Variants in CSNK1G2 observed in about 807,000 individuals in gnomAD.
CSNK1G2 encodes the protein casein kinase 1 gamma 2, also known as casein kinase I isoform gamma-2.
In CSNK1G2, 11 loss-of-function variants were observed where a neutral mutation model predicts 48.0. The observed-to-expected ratio is 0.23, with a 90% confidence interval of 0.14 to 0.38. CSNK1G2 has a LOEUF of 0.38. Among genes scored for constraint, CSNK1G2 ranks in the 10% least tolerant of loss-of-function variants. CSNK1G2 has a pLI of 1.00. For missense variants in CSNK1G2, 446 were observed against 595.5 expected (o/e 0.75, Z 2.61); for synonymous variants, 337 against 254.1 (o/e 1.33, Z -3.10).
At position 1,978,577 on chromosome 19, in the gene CSNK1G2, C is replaced by G; in HGVS notation, c.299-25C>G. 1 of 1,577,714 alleles carries G rather than the reference C, an allele frequency of 6.3e-7. No homozygotes were observed. The highest frequency in any genetic ancestry group is 1.8e-5 in the Admixed American group (1 of 54,494). On this transcript the variant is annotated intron_variant, in intron 4 of 11. Transcript: ENST00000255641. This position sits in a 1 kb window ranked among gnomAD's most constrained non-coding sequence, Gnocchi z 7.3. Reference sequence around the variant, plus strand: ...GCAGGGAGGGGGCTGCCGCCGCACGCCCGTGCGTCTGTCCTCCGCCGCAGA... The same window carrying G: ...GCAGGGAGGGGGCTGCCGCCGCACGGCCGTGCGTCTGTCCTCCGCCGCAGA...
chr19:1,948,153 C>G (rs2014631941), intron 1 of CSNK1G2, among the ~76,000 whole-genome samples: 1 of 152,192 alleles, frequency 6.6e-6, no homozygotes, highest in African/African-American at 2.4e-5. Flanking sequence ...TTCTGGAAGG[C>G]CGCTGCCCCG....
intron 1 of CSNK1G2, among the ~76,000 whole-genome samples, chr19:1,945,240 G>A (rs2014512070): frequency 1.3e-5 from 2 of 152,214 alleles, no homozygotes; most frequent in South Asian, 4.1e-4. Flanking sequence ...TGGGCCCACA[G>A]GGGAGCCGCT....
chr19:1,946,335 A>G (rs1053029476), intron 1 of CSNK1G2, among the ~76,000 whole-genome samples: 4 of 150,048 alleles, frequency 2.7e-5, no homozygotes, highest in Non-Finnish European at 4.5e-5. Flanking sequence ...ACTGTTGCCC[A>G]GGCTGGAGTG....
chr19:1,955,644 G>A (rs117140323), intron 1 of CSNK1G2, among the ~76,000 whole-genome samples: 1 of 152,048 alleles, frequency 6.6e-6, no homozygotes, highest in South Asian at 2.1e-4. Context: ...TCTGCTGTCC[G>A]CCCACGACCC....
intron 1 of CSNK1G2, among the ~76,000 whole-genome samples, chr19:1,961,583 G>A (rs2015200554): frequency 1.3e-5 from 2 of 152,200 alleles, no homozygotes; most frequent in South Asian, 4.1e-4. Context: ...GAGGCGTGAG[G>A]TACTGTCTGG....
At position 1,961,698 on chromosome 19, in the gene CSNK1G2, A is replaced by G. The variant is rs567391364; in HGVS notation, c.-265-7810A>G. 8.5e-5 allele frequency among the ~76,000 whole-genome samples: 13 copies of G among 152,368 alleles called. No individual in the cohort carries two copies. The East Asian group carries it at 2.5e-3, about 29-fold the overall frequency. Reference sequence around the variant, plus strand: ...ACTACGTCTCACAGATCCCTCTCCCAGGGCACATGAGGAGATTCCTCCCCC... The same window carrying G: ...ACTACGTCTCACAGATCCCTCTCCCGGGGCACATGAGGAGATTCCTCCCCC... On this transcript the variant is annotated intron_variant, in intron 1 of 11. Coordinates refer to ENST00000255641, the MANE Select transcript of CSNK1G2 (RefSeq NM_001319.7).
At chr19:1,966,490 G>C (rs533836126) in intron 1 of CSNK1G2, among the ~76,000 whole-genome samples, 9 of 152,340 alleles carry the variant, frequency 5.9e-5, no homozygotes, top group African/African-American at 2.2e-4. Context: ...AGTTGCTTCA[G>C]TTGCGCTCTA....
chr19:1,948,365 G>T (rs1441486326), intron 1 of CSNK1G2, among the ~76,000 whole-genome samples: 1 of 151,898 alleles, frequency 6.6e-6, no homozygotes, highest in African/African-American at 2.4e-5. Flanking sequence ...CTACTAAAAA[G>T]ACAAAAAATT....
At chr19:1,953,079 A>G in intron 1 of CSNK1G2, 2 of 398,884 alleles carry the variant, frequency 5.0e-6, no homozygotes, top group South Asian at 1.8e-5. Context: ...GTTCATGGTT[A>G]CGCTTCTGGA....
At chr19:1,950,943 A>T (rs1371906610) in intron 1 of CSNK1G2, among the ~76,000 whole-genome samples, 1 of 145,724 alleles carries the variant, frequency 6.9e-6, no homozygotes, top group African/African-American at 2.6e-5. Context: ...GCCCCCCTAG[A>T]TCCCTGGGTG....
chr19:1,974,763 G>C (rs1361938779), intron 2 of CSNK1G2: 1 of 152,234 alleles, frequency 6.6e-6, no homozygotes, highest in African/African-American at 2.4e-5. Context: ...CTGTGCCAAG[G>C]TGTGGACCTT....
chr19:1,949,963 G>A (rs1199064868), intron 1 of CSNK1G2, among the ~76,000 whole-genome samples: 1 of 152,240 alleles, frequency 6.6e-6, no homozygotes, highest in Non-Finnish European at 1.5e-5. Flanking sequence ...CAGTGGGACA[G>A]ACAGATGGAT....
chr19:1,957,212 G>C lies in CSNK1G2; in HGVS notation c.-265-12296G>C, dbSNP rs1423811298. 1.3e-5 allele frequency among the ~76,000 whole-genome samples: 2 copies of C among 152,178 alleles called. No homozygotes were observed. The highest frequency in any genetic ancestry group is 2.9e-5 in the Non-Finnish European group (2 of 68,036). On this transcript the variant is annotated intron_variant, in intron 1 of 11. Coordinates refer to ENST00000255641, the MANE Select transcript of CSNK1G2 (RefSeq NM_001319.7). This position sits in a 1 kb window ranked among gnomAD's most constrained non-coding sequence, Gnocchi z 5.4. ...CCTCCAGGCAGCCCCACAGGCCCGA[G>C]GGCCACCGTGTCAGGAGGGATAGCC... is the stretch of plus-strand genomic sequence containing the variant.
rs533578954 is a variant in CSNK1G2 at position 1,965,512 on chromosome 19, T to C, written c.-265-3996T>C. The stretch of plus-strand genomic sequence containing the variant: ...CCTTGACATGTCATTCATTCATTTA[T>C]TTATGCATGACAAGGTGTCCCACTG... On this transcript the variant is annotated intron_variant, in intron 1 of 11. Transcript: ENST00000255641. 1.6e-3 allele frequency among the ~76,000 whole-genome samples: 243 copies of C among 152,272 alleles called. 1 individual carries two copies. Among genetic ancestry groups the C allele is most frequent in the Non-Finnish European group, 2.4e-3 (160 of 68,020 alleles).
At chr19:1,941,751 A>C (rs1364956863) in intron 1 of CSNK1G2, among the ~76,000 whole-genome samples, 9 of 137,652 alleles carry the variant, frequency 6.5e-5, no homozygotes, top group Non-Finnish European at 7.9e-5. Context: ...TGACCCTCAC[A>C]CTCCAGACCC....
Position 1,969,882 on chromosome 19 carries a change from C to T in CSNK1G2, c.110C>T (p.Ser37Leu), listed in dbSNP as rs2145573234. 2.3e-6 allele frequency: 3 copies of T among 1,312,644 alleles called. No homozygotes were observed. Among genetic ancestry groups the T allele is most frequent in the Non-Finnish European group, 2.0e-6 (2 of 1,022,066 alleles). 81.3% of individuals were successfully genotyped at this position (1,312,644 alleles called of 1,614,324 possible). The change falls in exon 2 of 12, where the codon TCG (serine) becomes TTG (leucine). Residue 37 changes from serine to leucine, a missense_variant. Ser to Leu is a moderately radical substitution (Grantham distance 145). Around this residue, in one of 2 missense-constraint regions of CSNK1G2, gnomAD observed 258 missense variants for 415.9 expected, o/e 0.62. Coordinates refer to ENST00000255641, the MANE Select transcript of CSNK1G2 (RefSeq NM_001319.7). ...SHGIRSSGTS[S>L]GVLMVGPNFR... ...GGCATCCGGAGCTCGGGGACCAGCT[C>T]GGGGGTCCTGATGGTGGGCCCCAAC...
chr19:1,956,440 T>C lies in CSNK1G2; in HGVS notation c.-265-13068T>C, dbSNP rs569833409. On this transcript the variant is annotated intron_variant, in intron 1 of 11. Transcript: ENST00000255641. ...GATGAGGCGGGAAAATTGCTTGAACTCGGGAGGCGGAGGTTGTAATGAGCC... is the reference window on the plus strand; with the variant it reads ...GATGAGGCGGGAAAATTGCTTGAACCCGGGAGGCGGAGGTTGTAATGAGCC... Among the ~76,000 whole-genome samples, 14 of 152,098 alleles carry C rather than the reference T, an allele frequency of 9.2e-5. No homozygotes were observed. The South Asian group carries it at 2.3e-3, about 25-fold the overall frequency.
rs115805745 is a variant in CSNK1G2, at chr19:1,972,071, G to C, written c.187+2112G>C. On this transcript the variant is annotated intron_variant, in intron 2 of 11. Transcript: ENST00000255641. ...GGCGTGAGCCACTGCGCCCGGCCTG[G>C]TGACGCCAGCTTTTACTGAGTTGCG... Among the ~76,000 whole-genome samples the C allele has an allele frequency of 7.1e-3, 1,075 of 152,288 alleles. 15 individuals carry two copies. The highest frequency in any genetic ancestry group is 0.025 in the African/African-American group (1,029 of 41,558).
intron 1 of CSNK1G2, among the ~76,000 whole-genome samples, chr19:1,966,620 G>A (rs566056687): frequency 2.8e-4 from 42 of 152,276 alleles, no homozygotes; most frequent in Admixed American, 1.1e-3. Context: ...TCTGAAAGAC[G>A]TTCTGCTGTG....
Sources: gnomAD v4.1 joint callset for allele counts (sites outside exome capture counted in the v4.1 genomes callset) on GRCh38, gnomAD v4.1.1 for gene constraint, gnomAD v4.1.1 regional missense constraint, Gnocchi (gnomAD v3.1) non-coding constraint, MANE v1.5 for transcripts, NCBI Gene and HGNC (gene_info 2026-07-23, HGNC 2026-07-21) for gene names.